Variants in AKT1S1 observed in about 807,000 individuals in gnomAD.
The protein encoded by AKT1S1 is AKT1 substrate 1.
A neutral mutation model predicts 21.2 loss-of-function variants in AKT1S1; 17 were observed. That is an observed-to-expected ratio of 0.80 (90% CI 0.55 to 1.20). AKT1S1 has a LOEUF of 1.20. AKT1S1 is among the 50% of genes most tolerant of loss of function. The pLI, the probability that AKT1S1 is intolerant of heterozygous loss-of-function variation, is 0.00. For synonymous variants in AKT1S1, 181 were observed against 165.6 expected, an observed-to-expected ratio of 1.09 and a Z score of -0.72; for missense variants, 366 against 368.3, an observed-to-expected ratio of 0.99 and a Z score of 0.05.
In AKT1S1 at chr19:49,869,747, G is replaced by T; in HGVS notation, c.*170C>A. On this transcript the variant is annotated 3_prime_UTR_variant, in exon 5 of 5. Transcript: ENST00000344175. ...CAGATGCCGCTCCTCGGCGCGGCAG[G>T]TCGTGGGCTGGAAGGACGGCGGGGA... 1.3e-6 allele frequency: 1 copy of T among 767,314 alleles called. No individual in the cohort carries two copies. Among genetic ancestry groups the T allele is most frequent in the South Asian group, 2.7e-5 (1 of 36,732 alleles). The allele number at this position is 767,314 out of a possible 1,614,324, so 47.5% of individuals were successfully genotyped here. A position where few individuals can be genotyped will look rare whatever the true frequency, so the allele number is the denominator to read the frequency against.
intron 4 of AKT1S1, 77 bp from the exon 5 acceptor site, chr19:49,870,137 C>G: frequency 7.5e-7 from 1 of 1,331,514 alleles, no homozygotes; most frequent in Non-Finnish European, 9.6e-7. Flanking sequence ...CAGGGGTGCA[C>G]CCGGGCTCCA....
chr19:49,876,752 C>T (rs2074951940), intron 1 of AKT1S1: 2 of 1,349,136 alleles, frequency 1.5e-6, no homozygotes, highest in Admixed American at 3.5e-5. Context: ...ATGGCGGCCA[C>T]AGGGGCTTCA....
chr19:49,876,087 C>T (rs1194680922), intron 1 of AKT1S1: 7 of 986,306 alleles, frequency 7.1e-6, no homozygotes, highest in Non-Finnish European at 7.2e-6. Flanking sequence ...ACCACCCCTC[C>T]TGTCGAAATT....
Position 49,871,643 on chromosome 19 carries a change from T to G in AKT1S1, c.531A>C (p.Thr177=). The change falls in exon 4 of 5, where the codon ACA becomes ACC. Residue 177 remains threonine (T), a synonymous_variant. Transcript: ENST00000344175. ...CAGGCAGGGACTTGGCGTACTGCTG[T>G]GTGGGTAGGGCTGAGGCTGGGGGCA... ...CSVPPASALP[T]QQYAKSLPVS... is the part of the protein sequence containing the mutation. 1 of 1,613,890 alleles carries G rather than the reference T, an allele frequency of 6.2e-7. No individual in the cohort carries two copies. Among genetic ancestry groups the G allele is most frequent in the South Asian group, 1.1e-5 (1 of 91,070 alleles).
At chr19:49,878,123 G>C (rs780490760), upstream of AKT1S1, 1 of 1,560,368 alleles carries the variant, frequency 6.4e-7, no homozygotes. Context: ...CCCAGCCCTC[G>C]CTGGTTCCCC....
chr19:49,876,220 A>G (rs780377922), intron 1 of AKT1S1: 2 of 1,047,754 alleles, frequency 1.9e-6, no homozygotes, highest in African/African-American at 3.4e-5. Context: ...TCCAGGGAGG[A>G]CCCACTGGTC....
chr19:49,874,848 G>C (rs566645770), intron 1 of AKT1S1: 2 of 152,418 alleles, frequency 1.3e-5, no homozygotes, highest in East Asian at 3.9e-4. Flanking sequence ...AGGGTGAAGG[G>C]AGCAGGGAGT....
At position 49,869,808 on chromosome 19, in the gene AKT1S1, G is replaced by T. The variant is rs559956485; in HGVS notation, c.*109C>A. The T allele has an allele frequency of 5.9e-6, 7 of 1,190,218 alleles. No homozygotes were observed. Among genetic ancestry groups the T allele is most frequent in the East Asian group, 3.2e-5 (1 of 31,366 alleles). 73.7% of individuals were successfully genotyped at this position (1,190,218 alleles called of 1,614,324 possible). Reference sequence around the variant, plus strand: ...CGGGACAATCTTGGGAATGGGAGACGCAAGGAGGCCGGTCCCGGATCGGCC... The same window carrying T: ...CGGGACAATCTTGGGAATGGGAGACTCAAGGAGGCCGGTCCCGGATCGGCC... On this transcript the variant is annotated 3_prime_UTR_variant, in exon 5 of 5. Transcript: ENST00000344175.
intron 2 of AKT1S1, 60 bp from the exon 3 acceptor site, chr19:49,871,949 C>T (rs1409877710): frequency 1.3e-6 from 2 of 1,556,384 alleles, no homozygotes; most frequent in African/African-American, 2.7e-5. Flanking sequence ...CTCCATGTGT[C>T]CTCCTCCTCA....
chr19:49,872,978 GTCC>G lies in AKT1S1; in HGVS notation c.315_317del (p.Glu105del), dbSNP rs1391150909. On this transcript the variant is annotated inframe_deletion, in exon 2 of 5. Coordinates refer to ENST00000344175, the MANE Select transcript of AKT1S1 (RefSeq NM_001098633.4). Reference sequence around the variant, plus strand: ...TCTCTGTCTCTGTGGGCTCATCCTCGTCCTCCTCGTTGTCCTCTCTGGCCAGGG... The same window carrying G: ...TCTCTGTCTCTGTGGGCTCATCCTCGTCCTCGTTGTCCTCTCTGGCCAGGG... 1.9e-6 allele frequency: 3 copies of G among 1,599,446 alleles called. No individual in the cohort carries two copies. Among genetic ancestry groups the G allele is most frequent in the African/African-American group, 2.7e-5 (2 of 74,582 alleles).
chr19:49,876,006 G>A, intron 1 of AKT1S1: 1 of 985,488 alleles, frequency 1.0e-6, no homozygotes. Flanking sequence ...CCCACAGGAG[G>A]GGGAGCACGA....
At chr19:49,875,962 T>C (rs2074936510) in intron 1 of AKT1S1, 2 of 985,164 alleles carry the variant, frequency 2.0e-6, no homozygotes, top group Non-Finnish European at 2.4e-6. Flanking sequence ...TCGTGTAAGA[T>C]CAGGGAGAGA....
At chr19:49,872,029 A>G (rs2074890987) in intron 2 of AKT1S1, 140 bp from the exon 3 acceptor site, 1 of 935,440 alleles carries the variant, frequency 1.1e-6, no homozygotes, top group Non-Finnish European at 1.6e-6. Flanking sequence ...CTTCACCTCA[A>G]AAACAACTTC....
upstream of AKT1S1, chr19:49,878,181 C>T: frequency 6.3e-7 from 1 of 1,576,408 alleles, no homozygotes; most frequent in Non-Finnish European, 8.6e-7. Context: ...TGCACACCAG[C>T]GCTAAGAAGT....
upstream of AKT1S1, chr19:49,877,611 C>G (rs573728355): frequency 8.4e-7 from 1 of 1,189,650 alleles, no homozygotes; most frequent in Non-Finnish European, 1.2e-6. Context: ...TTCTCTAGAA[C>G]GGGTCGGGCC....
upstream of AKT1S1, chr19:49,877,956 T>C (rs2074971616): frequency 6.0e-6 from 4 of 670,150 alleles, no homozygotes; most frequent in East Asian, 2.9e-5. Flanking sequence ...CCTTGAGCCC[T>C]GCCCCCTGTG....
rs569102268 is a variant in AKT1S1 at position 49,873,485 on chromosome 19, G to A, written c.-7-183C>T. 40 of 1,172,986 alleles carry A rather than the reference G, an allele frequency of 3.4e-5. No homozygotes were observed. The African/African-American group carries it at 4.8e-4, about 14-fold the overall frequency. The allele number at this position is 1,172,986 out of a possible 1,614,324, so 72.7% of individuals were successfully genotyped here. A position where few individuals can be genotyped will look rare whatever the true frequency, so the allele number is the denominator to read the frequency against. On this transcript the variant is annotated intron_variant, in intron 1 of 4. Coordinates refer to ENST00000344175, the MANE Select transcript of AKT1S1 (RefSeq NM_001098633.4). The surrounding 1 kb of genome is among the most constrained non-coding windows in gnomAD (Gnocchi z 6.9). ...GGATTCTCACCATCCAGTCCTCGCA[G>A]GCCCAGACCCTGGCGACGTCCTCTG...
chr19:49,873,073 C>A lies in AKT1S1; in HGVS notation c.223G>T (p.Ala75Ser). ...IALAHRAATA[A>S]RPPAPPPAPQ... is the part of the protein sequence containing the mutation. The stretch of plus-strand genomic sequence containing the variant: ...GCTGGTGGGGGCGCAGGAGGCCGAG[C>A]AGCAGTGGCAGCCCTGTGGGCCAGT... Residue 75 changes from alanine (A) to serine (S), a missense_variant, in exon 2 of 5, where the codon GCT (alanine) becomes TCT (serine). Ala to Ser is a moderately conservative substitution (Grantham distance 99). Transcript: ENST00000344175. The surrounding 1 kb of genome is among the most constrained non-coding windows in gnomAD (Gnocchi z 6.9). The A allele has an allele frequency of 6.4e-7, 1 of 1,552,490 alleles. No homozygotes were observed.
At position 49,872,226 on chromosome 19, in the gene AKT1S1, G is replaced by A. The variant is rs138382390; in HGVS notation, c.380-337C>T. ...CCTCTGTTTCACAAATGGAGACCTGGAGGCCCAGAGAAGTTAAGTCACTTG... is the reference window on the plus strand; with the variant it reads ...CCTCTGTTTCACAAATGGAGACCTGAAGGCCCAGAGAAGTTAAGTCACTTG... On this transcript the variant is annotated intron_variant, in intron 2 of 4. Transcript: ENST00000344175. 6.5e-3 allele frequency among the ~76,000 whole-genome samples: 993 copies of A among 152,262 alleles called. 9 individuals carry two copies. The highest frequency in any genetic ancestry group is 0.022 in the African/African-American group (909 of 41,518).
Sources: allele counts gnomAD v4.1 joint callset (sites outside exome capture counted in the v4.1 genomes callset), GRCh38; gene constraint gnomAD v4.1.1; non-coding constraint Gnocchi (gnomAD v3.1); transcripts MANE v1.5; gene names NCBI Gene and HGNC (gene_info 2026-07-23, HGNC 2026-07-21).